Variants in WASHC2A observed in about 807,000 individuals in gnomAD.
WASHC2A encodes the protein WASH complex subunit FAM21A.
Under a neutral mutation model 140.3 loss-of-function variants are expected in WASHC2A, and 82 were observed. The ratio of observed to expected loss-of-function variants is 0.58; its 90% CI spans 0.49 to 0.70. WASHC2A has a LOEUF of 0.70. WASHC2A is among the 30% of genes least tolerant of loss of function. WASHC2A has a pLI of 0.00. For missense variants in WASHC2A, 985 were observed against 1,521.8 expected, an observed-to-expected ratio of 0.65 and a Z score of 5.87; for synonymous variants, 340 against 560.8, an observed-to-expected ratio of 0.61 and a Z score of 5.56.
intron 17 of WASHC2A, among the ~76,000 whole-genome samples, chr10:50,100,361 A>C (rs1840997865): frequency 1.3e-5 from 2 of 151,728 alleles, no homozygotes; most frequent in Non-Finnish European, 2.9e-5. Flanking sequence ...GCGAGCCTGT[A>C]ATCCCAGTTA....
intron 19 of WASHC2A, among the ~76,000 whole-genome samples, chr10:50,109,836 C>A (rs1404902467): frequency 6.6e-6 from 1 of 152,156 alleles, no homozygotes; most frequent in African/African-American, 2.4e-5. Context: ...GTGGCACGAT[C>A]TCCGTTCACT....
chr10:50,071,451 G>T (rs1360312491), intron 3 of WASHC2A, among the ~76,000 whole-genome samples: 17 of 151,964 alleles, frequency 1.1e-4, no homozygotes, highest in African/African-American at 3.6e-4. Context: ...GACTACAGGC[G>T]CGTGCCACCA....
intron 3 of WASHC2A, among the ~76,000 whole-genome samples, chr10:50,075,751 T>A (rs1554877641): frequency 1.3e-5 from 2 of 151,996 alleles, no homozygotes; most frequent in African/African-American, 4.8e-5. Flanking sequence ...CTCTGCTGTT[T>A]GTTTTGTTTC....
chr10:50,068,819 C>T (rs1564738052), intron 2 of WASHC2A, among the ~76,000 whole-genome samples: 1 of 148,184 alleles, frequency 6.7e-6, no homozygotes, highest in Admixed American at 6.7e-5. Context: ...TCAGGTGATC[C>T]TCTCACCTCA....
rs559825064 is a variant in WASHC2A, at chr10:50,115,504, C to T, written c.2142+1507C>T. 1.0e-4 allele frequency among the ~76,000 whole-genome samples: 13 copies of T among 129,778 alleles called. 1 individual carries two copies. In the East Asian group the frequency reaches 2.6e-3, roughly 26 times the overall value. 85.1% of individuals were successfully genotyped at this position (129,778 alleles called of 152,430 possible). ...GACTTTCTTAATTCAGATTGGTGCTCGGTGACATTGAATATAAGATAAAGT... is the reference window on the plus strand; with the variant it reads ...GACTTTCTTAATTCAGATTGGTGCTTGGTGACATTGAATATAAGATAAAGT... On this transcript the variant is annotated intron_variant, in intron 21 of 30. Coordinates refer to ENST00000282633, the MANE Select transcript of WASHC2A (RefSeq NM_001005751.3).
At chr10:50,088,341 A>G (rs1438237881) in intron 8 of WASHC2A, among the ~76,000 whole-genome samples, 2 of 143,324 alleles carry the variant, frequency 1.4e-5, no homozygotes, top group African/African-American at 5.1e-5. Flanking sequence ...TCTCAGCTCA[A>G]TGTAATCTCC....
At chr10:50,099,002 A>C (rs1840783527) in intron 16 of WASHC2A, among the ~76,000 whole-genome samples, 1 of 152,044 alleles carries the variant, frequency 6.6e-6, no homozygotes, top group South Asian at 2.1e-4. Flanking sequence ...GTTGATCTCT[A>C]AAGCGATAGT....
At chr10:50,070,076 C>T (rs71508040) in intron 3 of WASHC2A, among the ~76,000 whole-genome samples, 5 of 151,962 alleles carry the variant, frequency 3.3e-5, no homozygotes, top group Non-Finnish European at 7.4e-5. Context: ...TATGGTTTCA[C>T]TTGTTGATTG....
At position 50,125,391 on chromosome 10, in the gene WASHC2A, G is replaced by A. The variant is rs1843345041; in HGVS notation, c.2630G>A (p.Ser877Asn). 6.2e-7 allele frequency: 1 copy of A among 1,607,276 alleles called. No individual in the cohort carries two copies. The highest frequency in any genetic ancestry group is 2.2e-5 in the East Asian group (1 of 44,776). ...KTKLLEPSVG[S>N]LFGDDEDDDL... ...TAGCTGTTAGAGCCAAGTGTTGGGAGCCTGTTTGGGGATGATGAAGATGAT... is the reference window on the plus strand; with the variant it reads ...TAGCTGTTAGAGCCAAGTGTTGGGAACCTGTTTGGGGATGATGAAGATGAT... Residue 877 changes from serine to asparagine, a missense_variant, in exon 25 of 31, where the codon AGC becomes AAC. Transcript: ENST00000282633.
At chr10:50,124,093 T>TTTTTTG (rs1554894111) in intron 23 of WASHC2A, among the ~76,000 whole-genome samples, 1 of 151,074 alleles carries the variant, frequency 6.6e-6, no homozygotes, top group African/African-American at 2.4e-5. Flanking sequence ...TTTTTTGGTT[T>TTTTTTG]TTTTGTTTTG....
At chr10:50,082,358 C>T (rs1838977054) in intron 5 of WASHC2A, among the ~76,000 whole-genome samples, 1 of 151,766 alleles carries the variant, frequency 6.6e-6, no homozygotes. Context: ...CTCCCCTGCC[C>T]CAGAGTCCTT....
At chr10:50,121,172 G>T (rs1462222857) in intron 23 of WASHC2A, among the ~76,000 whole-genome samples, 1 of 150,278 alleles carries the variant, frequency 6.7e-6, no homozygotes, top group East Asian at 1.9e-4. Context: ...GAAATAAAAG[G>T]CATTCAGATT....
chr10:50,107,922 C>CAAAAAAAAA, intron 19 of WASHC2A, among the ~76,000 whole-genome samples: 1 of 81,440 alleles, frequency 1.2e-5, no homozygotes. Context: ...AACTCCGTCT[C>CAAAAAAAAA]AAAAAAAAGC....
chr10:50,078,979 T>C (rs1404895695), intron 4 of WASHC2A, among the ~76,000 whole-genome samples: 4 of 151,724 alleles, frequency 2.6e-5, no homozygotes. Context: ...ACTTCTTTTG[T>C]AAAGGGCCAG....
intron 3 of WASHC2A, among the ~76,000 whole-genome samples, chr10:50,070,159 A>T (rs1303558556): frequency 6.6e-6 from 1 of 152,242 alleles, no homozygotes; most frequent in African/African-American, 2.4e-5. Flanking sequence ...ACTAAAGTTT[A>T]TGATGGCTGA....
chr10:50,074,658 C>T (rs375614392), intron 3 of WASHC2A, among the ~76,000 whole-genome samples: 13 of 152,030 alleles, frequency 8.6e-5, no homozygotes, highest in African/African-American at 2.2e-4. Context: ...CGGTGGCTCA[C>T]GCCTGTAGCA....
chr10:50,100,266 G>C (rs1840985130), intron 17 of WASHC2A, among the ~76,000 whole-genome samples: 1 of 152,040 alleles, frequency 6.6e-6, no homozygotes, highest in African/African-American at 2.4e-5. Context: ...GCGGATACCT[G>C]AGGTCAGGAG....
At chr10:50,092,002 T>C (rs538069096) in intron 10 of WASHC2A, among the ~76,000 whole-genome samples, 160 bp from the exon 11 acceptor site, 1 of 152,142 alleles carries the variant, frequency 6.6e-6, no homozygotes, top group Non-Finnish European at 1.5e-5. Flanking sequence ...GTGCCCACTG[T>C]GGGCAGGGCC....
chr10:50,080,108 G>A (rs1400700180), intron 4 of WASHC2A, among the ~76,000 whole-genome samples: 9 of 152,286 alleles, frequency 5.9e-5, no homozygotes, highest in African/African-American at 1.9e-4. Flanking sequence ...TGTCTGCGGG[G>A]ACTGCCATTG....
Sources: gnomAD v4.1 joint callset for allele counts (sites outside exome capture counted in the v4.1 genomes callset) on GRCh38, gnomAD v4.1.1 for gene constraint, MANE v1.5 for transcripts, NCBI Gene and HGNC (gene_info 2026-07-23, HGNC 2026-07-21) for gene names.